The following MPP4 variants were observed in gnomAD, a reference collection of about 807,000 sequenced individuals.
MPP4 encodes the protein MAGUK p55 subfamily member 4.
A neutral mutation model predicts 98.3 loss-of-function variants in MPP4; 91 were observed. The ratio of observed to expected loss-of-function variants is 0.93; its 90% CI spans 0.78 to 1.10. MPP4 has a LOEUF of 1.10. Ranked by LOEUF, MPP4 falls within the 50% of genes least tolerant of loss-of-function variation. MPP4 has a pLI of 0.00. For synonymous variants in MPP4, 261 were observed against 271.8 expected (o/e 0.96, Z 0.39); for missense variants, 744 against 792.9 (o/e 0.94, Z 0.74).
chr2:201,669,579 A>G (rs1441601987), intron 12 of MPP4, among the ~76,000 whole-genome samples, 154 bp downstream of exon 12: 26 of 3,922 alleles, frequency 6.6e-3, no homozygotes, highest in African/African-American at 0.01. Flanking sequence ...ACTACTAGGT[A>G]TATAGGAAGA....
chr2:201,687,430 A>C, intron 4 of MPP4, 59 bp from the exon 5 acceptor site: 1 of 1,308,388 alleles, frequency 7.6e-7, no homozygotes, highest in Non-Finnish European at 1.1e-6. Context: ...CACCTACTTA[A>C]CCTCACCCAG....
chr2:201,660,380 A>G, intron 14 of MPP4, 34 bp from the exon 15 acceptor site: 1 of 1,612,576 alleles, frequency 6.2e-7, no homozygotes, highest in Non-Finnish European at 8.5e-7. Flanking sequence ...AACAGACATG[A>G]AAAAGTTAAG....
intron 16 of MPP4, 87 bp from the exon 17 acceptor site, chr2:201,656,455 G>C: frequency 7.9e-7 from 1 of 1,270,838 alleles, no homozygotes; most frequent in Non-Finnish European, 1.1e-6. Flanking sequence ...TAGCAACCAT[G>C]ATCCTAAAGT....
intron 10 of MPP4, chr2:201,680,027 G>A (rs995161446): frequency 3.9e-5 from 6 of 152,162 alleles, no homozygotes; most frequent in Admixed American, 2.0e-4. Context: ...TGCCTCGTTG[G>A]TCATTCCTTC....
At chr2:201,666,686 T>C in intron 12 of MPP4, 1 of 177,234 alleles carries the variant, frequency 5.6e-6, no homozygotes, top group Non-Finnish European at 1.2e-5. Flanking sequence ...ATAGTGCCAT[T>C]GCACTCCAGC....
intron 11 of MPP4, among the ~76,000 whole-genome samples, chr2:201,672,488 A>G (rs567034361): frequency 6.6e-6 from 1 of 152,158 alleles, no homozygotes; most frequent in South Asian, 2.1e-4. Context: ...TTAAGAAAAT[A>G]GATAGACCAC....
At position 201,682,758 on chromosome 2, in the gene MPP4, G is replaced by A. The variant is rs28607466; in HGVS notation, c.660+73C>T. 7,190 of 1,318,946 alleles carry A rather than the reference G, an allele frequency of 5.5e-3. 277 individuals are homozygous for A. The African/African-American group carries it at 0.09, about 17-fold the overall frequency. The allele number at this position is 1,318,946 out of a possible 1,614,324, so 81.7% of individuals were successfully genotyped here. On this transcript the variant is annotated intron_variant, in intron 8 of 21. Transcript: ENST00000409474. ...CCCCGGTACATCCCAGTGCACACAC[G>A]TGGGCTTGATGGTCCCAGTTCAGCC...
Position 201,680,884 on chromosome 2 carries a change from G to C in MPP4, c.883C>G (p.Pro295Ala), listed in dbSNP as rs912176310. 6 of 1,613,654 alleles carry C rather than the reference G, an allele frequency of 3.7e-6. No homozygotes were observed. The Admixed American group carries it at 5.0e-5, about 13-fold the overall frequency. ...GGGACAAGCCCAGCGCAGGTAGCAG[G>C]GTCTGAGATTTTTCGGGCCTGCCAC... The part of the protein sequence containing the change: ...LWWQARKISD[P>A]ATCAGLVPSN... The change falls in exon 10 of 22, where the codon CCT (proline) becomes GCT (alanine). Residue 295 changes from proline to alanine, a missense_variant. Coordinates refer to ENST00000409474, the MANE Select transcript of MPP4 (RefSeq NM_033066.3).
intron 5 of MPP4, among the ~76,000 whole-genome samples, chr2:201,686,927 T>C (rs1022528225): frequency 1.3e-5 from 2 of 152,226 alleles, no homozygotes; most frequent in Admixed American, 6.5e-5. Flanking sequence ...TACACACACA[T>C]TATCTAAAAC....
intron 17 of MPP4, among the ~76,000 whole-genome samples, chr2:201,655,598 T>C (rs545338183): frequency 1.3e-5 from 2 of 152,330 alleles, no homozygotes; most frequent in South Asian, 4.1e-4. Context: ...GCCTTGCTCA[T>C]GAAGCTAAAC....
intron 18 of MPP4, among the ~76,000 whole-genome samples, chr2:201,653,090 C>T (rs1442467717): frequency 6.6e-6 from 1 of 152,154 alleles, no homozygotes; most frequent in Non-Finnish European, 1.5e-5. Flanking sequence ...CTCAGGCTTC[C>T]TCCTGGGCAG....
At chr2:201,673,576 A>G (rs762672636) in intron 11 of MPP4, 16 of 173,854 alleles carry the variant, frequency 9.2e-5, no homozygotes, top group Middle Eastern at 5.7e-4. Context: ...TAATTAAAAA[A>G]GAAAAAAAAA....
rs1035099832 is a variant in MPP4 at position 201,651,933 on chromosome 2, A to G, written c.1382-1768T>C. 3.8e-5 allele frequency: 29 copies of G among 754,430 alleles called. No individual in the cohort carries two copies. In the African/African-American group the frequency reaches 5.0e-4, roughly 13 times the overall value. 46.7% of individuals were successfully genotyped at this position (754,430 alleles called of 1,614,324 possible). On this transcript the variant is annotated intron_variant, in intron 18 of 21. Coordinates refer to ENST00000409474, the MANE Select transcript of MPP4 (RefSeq NM_033066.3). ...ACACCACGGCACTCCAGCCTGGGCAATGCAGTGAGACTCCATCTCAAACAA... is the reference window on the plus strand; with the variant it reads ...ACACCACGGCACTCCAGCCTGGGCAGTGCAGTGAGACTCCATCTCAAACAA...
chr2:201,652,579 T>G (rs551884853), intron 18 of MPP4, among the ~76,000 whole-genome samples: 1 of 152,362 alleles, frequency 6.6e-6, no homozygotes, highest in Non-Finnish European at 1.5e-5. Context: ...CAGTCTCAAC[T>G]GACTAATTAA....
In MPP4 at chr2:201,677,963, T is replaced by C. The variant is rs573255016; in HGVS notation, c.930-2692A>G. Among the ~76,000 whole-genome samples, 7 of 152,322 alleles carry C rather than the reference T, an allele frequency of 4.6e-5. No homozygotes were observed. In the East Asian group the frequency reaches 1.3e-3, roughly 29 times the overall value. On this transcript the variant is annotated intron_variant, in intron 10 of 21. Coordinates refer to ENST00000409474, the MANE Select transcript of MPP4 (RefSeq NM_033066.3). ...TCAACACCCTCCTCCAGTCCTCCAATGTGCCTCCTGGTTTTCTGAATGAGA... is the reference window on the plus strand; with the variant it reads ...TCAACACCCTCCTCCAGTCCTCCAACGTGCCTCCTGGTTTTCTGAATGAGA...
chr2:201,662,660 G>A (rs1574609958), intron 14 of MPP4, among the ~76,000 whole-genome samples: 3 of 152,032 alleles, frequency 2.0e-5, no homozygotes, highest in Admixed American at 2.0e-4. Context: ...TTCCTTATAT[G>A]AAGTACAGAA....
chr2:201,656,410 G>C (rs1687851080), intron 16 of MPP4, 42 bp from the exon 17 acceptor site: 3 of 1,507,540 alleles, frequency 2.0e-6, no homozygotes, highest in Non-Finnish European at 2.7e-6. Flanking sequence ...CCAGGCAGGA[G>C]AGATCACTTG....
chr2:201,650,717 T>C (rs956401554), intron 18 of MPP4: 2 of 985,304 alleles, frequency 2.0e-6, no homozygotes, highest in Non-Finnish European at 2.4e-6. Context: ...TTTACAACAA[T>C]AGATTCTCAA....
intron 18 of MPP4, among the ~76,000 whole-genome samples, chr2:201,654,628 AAAAAAAG>A (rs1484299189): frequency 1.3e-5 from 2 of 152,152 alleles, no homozygotes; most frequent in Non-Finnish European, 2.9e-5. Context: ...AATAATAATT[AAAAAAAG>A]AAAAAAGCCC....
Sources: gnomAD v4.1 joint callset for allele counts (sites outside exome capture counted in the v4.1 genomes callset) on GRCh38, gnomAD v4.1.1 for gene constraint, MANE v1.5 for transcripts, NCBI Gene and HGNC (gene_info 2026-07-23, HGNC 2026-07-21) for gene names.